UNC79: variants seen among roughly 807,000 people sequenced by gnomAD.
UNC79 encodes protein unc-79 homolog.
Under a neutral mutation model 283.1 loss-of-function variants are expected in UNC79, and 37 were observed. The observed-to-expected ratio is 0.13, with a 90% CI of 0.10 to 0.17. UNC79 has a LOEUF of 0.17. Ranked by LOEUF, UNC79 falls within the 10% of genes least tolerant of loss-of-function variation. The probability of loss-of-function intolerance (pLI) is 1.00; values close to 1 mark genes in which losing one functional copy is unlikely to be tolerated. For missense variants in UNC79, 2,272 were observed against 3,211.1 expected (o/e 0.71, Z 7.07); for synonymous variants, 1,107 against 1,200.2 (o/e 0.92, Z 1.61).
At chr14:93,685,821 A>T (rs2140882851) in intron 42 of UNC79, among the ~76,000 whole-genome samples, 1 of 152,306 alleles carries the variant, frequency 6.6e-6, no homozygotes, top group African/African-American at 2.4e-5. Context: ...TTATAATCCT[A>T]AATTCACTGC....
rs763243720 is a variant in UNC79 at position 93,451,117 on chromosome 14, GT to G, written c.23-16542del. On this transcript the variant is annotated intron_variant, in intron 1 of 48. Transcript: ENST00000555664. ...CTTATCTTTCTGATATTAATAACAGGTTTTTTTTTTTTAAGATAAAGTTTTC... is the reference window on the plus strand; with the variant it reads ...CTTATCTTTCTGATATTAATAACAGGTTTTTTTTTTTAAGATAAAGTTTTC... Among the ~76,000 whole-genome samples, 841 of 145,004 alleles carry G rather than the reference GT, an allele frequency of 5.8e-3. 6 individuals carry two copies. The highest frequency in any genetic ancestry group is 0.019 in the African/African-American group (739 of 39,878).
At chr14:93,674,584 A>G (rs1056092234) in intron 41 of UNC79, among the ~76,000 whole-genome samples, 1 of 152,192 alleles carries the variant, frequency 6.6e-6, no homozygotes, top group African/African-American at 2.4e-5. Flanking sequence ...GCACTCGCTG[A>G]TGAGCATTAA....
At chr14:93,380,929 G>A (rs1409355947) in intron 1 of UNC79, among the ~76,000 whole-genome samples, 1 of 152,152 alleles carries the variant, frequency 6.6e-6, no homozygotes, top group Non-Finnish European at 1.5e-5. Context: ...AGGGAGTTTT[G>A]CTGATTTGTT....
chr14:93,668,132 A>G (rs2072417559), intron 40 of UNC79, among the ~76,000 whole-genome samples: 3 of 152,196 alleles, frequency 2.0e-5, no homozygotes, highest in African/African-American at 7.2e-5. Flanking sequence ...TCTATTTATC[A>G]TGGTGCTGGA....
At chr14:93,633,373 GT>G (rs1428938112) in intron 31 of UNC79, among the ~76,000 whole-genome samples, 1 of 152,174 alleles carries the variant, frequency 6.6e-6, no homozygotes, top group Non-Finnish European at 1.5e-5. Flanking sequence ...CAGCATGCTA[GT>G]TACATTAAAA....
intron 26 of UNC79, among the ~76,000 whole-genome samples, chr14:93,604,235 A>G (rs2065723968): frequency 6.6e-6 from 1 of 152,244 alleles, no homozygotes; most frequent in Non-Finnish European, 1.5e-5. Flanking sequence ...TGAAGTAAAT[A>G]AAATAATGAC....
intron 42 of UNC79, among the ~76,000 whole-genome samples, chr14:93,685,776 A>G (rs1445466051): frequency 6.6e-6 from 1 of 152,236 alleles, no homozygotes. Context: ...CGGCTTTGAT[A>G]TAGCAGCCTG....
Position 93,430,936 on chromosome 14 carries a change from G to C in UNC79, c.-94G>C, listed in dbSNP as rs1406994831. 5 of 678,828 alleles carry C rather than the reference G, an allele frequency of 7.4e-6. No homozygotes were observed. The East Asian group carries it at 1.4e-4, about 19-fold the overall frequency. The allele number at this position is 678,828 out of a possible 1,614,324, so 42.1% of individuals were successfully genotyped here. A position where few individuals can be genotyped will look rare whatever the true frequency, so the allele number is the denominator to read the frequency against. ...GAAAGCGAGGGGGTGGGGGGTGGGG[G>C]GTATGCACTCTTTTCCTCGCAACAT... On this transcript the variant is annotated 5_prime_UTR_variant, in exon 1 of 49. Coordinates refer to ENST00000555664, the Ensembl canonical transcript of UNC79. The surrounding 1 kb of genome is among the most constrained non-coding windows in gnomAD (Gnocchi z 4.6).
chr14:93,446,950 A>G (rs528019354), intron 1 of UNC79, among the ~76,000 whole-genome samples: 40 of 152,164 alleles, frequency 2.6e-4, no homozygotes, highest in African/African-American at 9.7e-4. Context: ...ATTTTTGTCT[A>G]ATTTTTCTAA....
chr14:93,518,385 G>A (rs1225563577), intron 7 of UNC79, among the ~76,000 whole-genome samples: 1 of 151,792 alleles, frequency 6.6e-6, no homozygotes, highest in Non-Finnish European at 1.5e-5. Flanking sequence ...ATGTCTGTAG[G>A]ATCTGTAGTG....
intron 1 of UNC79, among the ~76,000 whole-genome samples, chr14:93,451,044 A>T (rs1370642651): frequency 6.6e-6 from 1 of 151,162 alleles, no homozygotes; most frequent in Admixed American, 6.6e-5. Flanking sequence ...TCTTCACTGT[A>T]TCTTGTTTTT....
chr14:93,410,345 G>C (rs948819432), intron 1 of UNC79, among the ~76,000 whole-genome samples: 1 of 152,206 alleles, frequency 6.6e-6, no homozygotes, highest in African/African-American at 2.4e-5. Flanking sequence ...CCTAGGGATG[G>C]AGTGCTCTGG....
chr14:93,544,098 T>C (rs1348851548), intron 14 of UNC79, among the ~76,000 whole-genome samples: 2 of 152,236 alleles, frequency 1.3e-5, no homozygotes, highest in East Asian at 3.8e-4. Context: ...TGATGTGACA[T>C]GCTTCTGGAA....
intron 1 of UNC79, among the ~76,000 whole-genome samples, chr14:93,405,218 G>A (rs543023156): frequency 1.3e-5 from 2 of 151,114 alleles, no homozygotes; most frequent in Non-Finnish European, 2.9e-5. Context: ...GGGAGGCGGA[G>A]TTTGCAGTGA....
chr14:93,501,140 C>T (rs760703188), intron 7 of UNC79, among the ~76,000 whole-genome samples: 16 of 151,930 alleles, frequency 1.1e-4, no homozygotes, highest in Non-Finnish European at 2.1e-4. Context: ...GCCTGGCCAA[C>T]GTGGTGAAAC....
intron 17 of UNC79, among the ~76,000 whole-genome samples, chr14:93,576,403 C>T (rs991259847): frequency 6.6e-6 from 1 of 151,944 alleles, no homozygotes; most frequent in Non-Finnish European, 1.5e-5. Flanking sequence ...AACAAACCTG[C>T]ACATGTGTTC....
intron 42 of UNC79, among the ~76,000 whole-genome samples, chr14:93,684,377 G>A (rs2074080654): frequency 6.6e-6 from 1 of 152,132 alleles, no homozygotes; most frequent in Non-Finnish European, 1.5e-5. Flanking sequence ...TATTAAGTAT[G>A]TTTATTAAAG....
chr14:93,615,428 T>C (rs1027553702), intron 27 of UNC79, among the ~76,000 whole-genome samples: 4 of 151,954 alleles, frequency 2.6e-5, no homozygotes, highest in Non-Finnish European at 4.4e-5. Context: ...TTTAGAAATA[T>C]AAGCTAAAAT....
intron 1 of UNC79, among the ~76,000 whole-genome samples, chr14:93,399,277 T>C (rs1464767828): frequency 6.6e-6 from 1 of 152,076 alleles, no homozygotes; most frequent in East Asian, 1.9e-4. Flanking sequence ...GAGATTTGGG[T>C]GGGGACACAG....
Sources: allele counts gnomAD v4.1 joint callset (sites outside exome capture counted in the v4.1 genomes callset), GRCh38; gene constraint gnomAD v4.1.1; non-coding constraint Gnocchi (gnomAD v3.1); transcripts MANE v1.5; gene names NCBI Gene and HGNC (gene_info 2026-07-23, HGNC 2026-07-21).